The following SGSM1 variants were observed in gnomAD, a reference collection of about 807,000 sequenced individuals.
SGSM1 encodes RUN and TBC1 domain containing 2.
A neutral mutation model predicts 133.8 loss-of-function variants in SGSM1; 73 were observed. The observed-to-expected ratio is 0.55, with a 90% CI of 0.45 to 0.66. SGSM1 has a LOEUF of 0.66. Ranked by LOEUF, SGSM1 falls within the 30% of genes least tolerant of loss-of-function variation. SGSM1 has a pLI of 0.00. For synonymous variants in SGSM1, 563 were observed against 573.0 expected (o/e 0.98, Z 0.25); for missense variants, 1,213 against 1,448.1 (o/e 0.84, Z 2.64).
chr22:24,902,719 T>C (rs1354792648), intron 20 of SGSM1, among the ~76,000 whole-genome samples: 2 of 151,804 alleles, frequency 1.3e-5, no homozygotes, highest in Non-Finnish European at 2.9e-5. Flanking sequence ...AAAATAATTA[T>C]TGATATTTCT....
intron 18 of SGSM1, among the ~76,000 whole-genome samples, chr22:24,896,575 G>T (rs1468450279): frequency 4.0e-5 from 6 of 150,528 alleles, no homozygotes; most frequent in African/African-American, 1.5e-4. Context: ...ATTCATAATA[G>T]TCAACCACCT....
chr22:24,809,088 T>G (rs1345171686), intron 2 of SGSM1, among the ~76,000 whole-genome samples: 1 of 152,216 alleles, frequency 6.6e-6, no homozygotes, highest in Non-Finnish European at 1.5e-5. Flanking sequence ...TTCTGTCTTT[T>G]GAGTTCCTAT....
At chr22:24,840,006 G>A (rs529785807) in intron 2 of SGSM1, among the ~76,000 whole-genome samples, 4 of 142,524 alleles carry the variant, frequency 2.8e-5, no homozygotes, top group South Asian at 2.3e-4. Flanking sequence ...GCAGTGGCGC[G>A]ATCTCAGCTC....
rs139639 is a variant in SGSM1 at position 24,833,656 on chromosome 22, C to CA, written c.64-11227dup. On this transcript the variant is annotated intron_variant, in intron 2 of 24. Coordinates refer to ENST00000400358, the MANE Select transcript of SGSM1 (RefSeq NM_001098497.3). Reference sequence around the variant, plus strand: ...CTGGCGACAGAGCGAGACTCCGTCTCAAAAAAAAAAAAAAGATTTCCACAT... The same window carrying CA: ...CTGGCGACAGAGCGAGACTCCGTCTCAAAAAAAAAAAAAAAGATTTCCACAT... 2.3e-3 allele frequency among the ~76,000 whole-genome samples: 326 copies of CA among 140,266 alleles called. 2 individuals are homozygous for CA. Among genetic ancestry groups the CA allele is most frequent in the Middle Eastern group, 0.016 (4 of 252 alleles). The allele number at this position is 140,266 out of a possible 152,430, so 92.0% of individuals were successfully genotyped here. A position where few individuals can be genotyped will look rare whatever the true frequency, so the allele number is the denominator to read the frequency against.
At chr22:24,865,158 C>T (rs1931375049) in intron 9 of SGSM1, among the ~76,000 whole-genome samples, 1 of 152,234 alleles carries the variant, frequency 6.6e-6, no homozygotes. Context: ...GTTCACCGGG[C>T]ATTCCAGTGC....
chr22:24,826,416 G>A lies in SGSM1; in HGVS notation c.64-18481G>A, dbSNP rs531493956. Among the ~76,000 whole-genome samples the A allele has an allele frequency of 7.2e-5, 11 of 152,294 alleles. No homozygotes were observed. The South Asian group carries it at 1.9e-3, about 26-fold the overall frequency. ...GTTTTCTGATCCCAGCTTTAAATAC[G>A]TATCAATGGGATCTAGAGCCAAGGG... On this transcript the variant is annotated intron_variant, in intron 2 of 24. Coordinates refer to ENST00000400358, the MANE Select transcript of SGSM1 (RefSeq NM_001098497.3).
intron 16 of SGSM1, among the ~76,000 whole-genome samples, chr22:24,888,898 A>G (rs1932751819): frequency 7.4e-6 from 1 of 134,258 alleles, no homozygotes; most frequent in African/African-American, 2.8e-5. Flanking sequence ...TGTCTTGATT[A>G]TTGTAACACA....
chr22:24,828,725 T>C lies in SGSM1; in HGVS notation c.64-16172T>C, dbSNP rs886650487. On this transcript the variant is annotated intron_variant, in intron 2 of 24. Transcript: ENST00000400358. The stretch of plus-strand genomic sequence containing the variant: ...TCGATCCAGCAATCCCATTACTGGG[T>C]ATATAACCAAAGGAGTGTAAATCAT... 6.6e-5 allele frequency among the ~76,000 whole-genome samples: 10 copies of C among 152,220 alleles called. No homozygotes were observed. The East Asian group carries it at 1.9e-3, about 29-fold the overall frequency.
intron 2 of SGSM1, among the ~76,000 whole-genome samples, chr22:24,808,382 G>A (rs1212414022): frequency 2.0e-5 from 3 of 152,118 alleles, no homozygotes; most frequent in Non-Finnish European, 4.4e-5. Flanking sequence ...CCAAAGTGCT[G>A]GAATTACAGG....
At chr22:24,848,100 G>A (rs952428181) in intron 4 of SGSM1, among the ~76,000 whole-genome samples, 8 of 151,900 alleles carry the variant, frequency 5.3e-5, no homozygotes, top group African/African-American at 1.9e-4. Context: ...CCCCGTTGTT[G>A]TTGGTTGGCC....
chr22:24,868,293 G>GGGGGATGTGCTTGCAGGAA, intron 10 of SGSM1, 83 bp from the exon 11 acceptor site: 4 of 1,532,222 alleles, frequency 2.6e-6, no homozygotes, highest in Non-Finnish European at 3.5e-6. Flanking sequence ...TGGCACCCCT[G>GGGGGATGTGCTTGCAGGAA]GGGGATGTGC....
At chr22:24,908,153 C>T (rs532657391) in intron 21 of SGSM1, among the ~76,000 whole-genome samples, 2 of 152,102 alleles carry the variant, frequency 1.3e-5, no homozygotes, top group Admixed American at 1.3e-4. Flanking sequence ...GCAAGAACTA[C>T]TGGACAGACA....
At chr22:24,850,475 C>T (rs1004660131) in intron 5 of SGSM1, 43 bp downstream of exon 5, 6 of 1,595,730 alleles carry the variant, frequency 3.8e-6, no homozygotes, top group Admixed American at 1.7e-5. Flanking sequence ...TCTGCCCCCA[C>T]CTGCCGGCCG....
intron 5 of SGSM1, among the ~76,000 whole-genome samples, chr22:24,853,540 G>T (rs1930598219): frequency 1.3e-5 from 2 of 152,154 alleles, no homozygotes; most frequent in African/African-American, 2.4e-5. Context: ...GGAACAAAAA[G>T]ACGTTTAATT....
chr22:24,890,233 G>A (rs747079156), intron 16 of SGSM1, among the ~76,000 whole-genome samples: 1 of 152,210 alleles, frequency 6.6e-6, no homozygotes, highest in African/African-American at 2.4e-5. Flanking sequence ...TGGGATTACA[G>A]GCATGAGCCA....
intron 21 of SGSM1, among the ~76,000 whole-genome samples, chr22:24,911,401 T>C (rs1471975812): frequency 2.0e-5 from 3 of 151,238 alleles, no homozygotes; most frequent in Non-Finnish European, 4.4e-5. Context: ...AAGCAATTCT[T>C]CTCCCTCAGC....
rs1293126654 is a variant in SGSM1, at chr22:24,898,461, C to G, written c.2512C>G (p.Pro838Ala). 3 of 1,613,832 alleles carry G rather than the reference C, an allele frequency of 1.9e-6. No homozygotes were observed. The highest frequency in any genetic ancestry group is 2.2e-5 in the East Asian group (1 of 44,862). The change falls in exon 19 of 25, where the codon CCT becomes GCT. Residue 838 changes from proline to alanine, a missense_variant. Transcript: ENST00000400358. ...CAGTGAGGACAACCTCTCGGAGGAG[C>G]CTGAGATGGAAAGTCTCTTCCCTGC... ...ADSEDNLSEE[P>A]EMESLFPALA...
At chr22:24,914,475 C>A (rs1268461844) in intron 22 of SGSM1, among the ~76,000 whole-genome samples, 1 of 67,574 alleles carries the variant, frequency 1.5e-5, no homozygotes, top group African/African-American at 4.2e-5. Context: ...GACTCTGTCC[C>A]CCCCCCCAAA....
At chr22:24,874,409 C>G in intron 12 of SGSM1, 2 of 1,605,066 alleles carry the variant, frequency 1.2e-6, no homozygotes, top group South Asian at 1.1e-5. Flanking sequence ...TGTTTTGTGT[C>G]TCAAGTTGCC....
Sources: allele counts gnomAD v4.1 joint callset (sites outside exome capture counted in the v4.1 genomes callset), GRCh38; gene constraint gnomAD v4.1.1; transcripts MANE v1.5; gene names NCBI Gene and HGNC (gene_info 2026-07-23, HGNC 2026-07-21).